Variants in CAMK2D observed in about 807,000 individuals in gnomAD.
The protein encoded by CAMK2D is calcium/calmodulin-dependent protein kinase type II subunit delta.
Under a neutral mutation model 84.0 loss-of-function variants are expected in CAMK2D, and 37 were observed. The ratio of observed to expected loss-of-function variants is 0.44; its 90% CI spans 0.34 to 0.58. CAMK2D has a LOEUF of 0.58. CAMK2D is among the 20% of genes least tolerant of loss of function. The pLI is 0.02. For synonymous variants in CAMK2D, 202 were observed against 212.5 expected (o/e 0.95, Z 0.43); for missense variants, 448 against 652.5 (o/e 0.69, Z 3.41).
At chr4:113,473,450 G>T (rs546692826) in intron 16 of CAMK2D, among the ~76,000 whole-genome samples, 74 of 152,060 alleles carry the variant, frequency 4.9e-4, no homozygotes, top group South Asian at 3.7e-3. Context: ...CATAATTTTG[G>T]CTTTTAAAAT....
chr4:113,482,618 CTT>C (rs1418096693), intron 16 of CAMK2D, among the ~76,000 whole-genome samples: 1 of 152,094 alleles, frequency 6.6e-6, no homozygotes, highest in Non-Finnish European at 1.5e-5. Context: ...AAAAATATAA[CTT>C]AATCTATAAC....
intron 6 of CAMK2D, among the ~76,000 whole-genome samples, chr4:113,537,716 C>A (rs2098503051): frequency 6.6e-6 from 1 of 152,150 alleles, no homozygotes; most frequent in African/African-American, 2.4e-5. Flanking sequence ...AATGAGAGCA[C>A]CTGTCTTGAC....
intron 4 of CAMK2D, among the ~76,000 whole-genome samples, chr4:113,565,520 G>GCATGCCGGT: frequency 6.6e-6 from 1 of 151,924 alleles, no homozygotes; most frequent in East Asian, 1.9e-4. Context: ...GCGTGGTGGT[G>GCATGCCGGT]CATGCCGGTA....
chr4:113,722,629 G>A (rs1184199882), intron 2 of CAMK2D, among the ~76,000 whole-genome samples: 1 of 152,156 alleles, frequency 6.6e-6, no homozygotes, highest in African/African-American at 2.4e-5. Context: ...ACTCAAGGGA[G>A]TGAAATATGG....
At position 113,555,520 on chromosome 4, in the gene CAMK2D, C is replaced by A. The variant is rs554368064; in HGVS notation, c.276-3424G>T. On this transcript the variant is annotated intron_variant, in intron 4 of 20. Transcript: ENST00000511664. ...AATCCAAGCGTTTGAGCAGTGGTAA[C>A]AGAGGTTCATTAAGCAGTTAAGCGA... Among the ~76,000 whole-genome samples, 4 of 152,224 alleles carry A rather than the reference C, an allele frequency of 2.6e-5. No homozygotes were observed. In the South Asian group the frequency reaches 8.3e-4, roughly 32 times the overall value.
At chr4:113,746,503 C>T (rs544082055) in intron 2 of CAMK2D, among the ~76,000 whole-genome samples, 1 of 152,078 alleles carries the variant, frequency 6.6e-6, no homozygotes, top group South Asian at 2.1e-4. Context: ...TTGCAGGTAA[C>T]CCAATAATTG....
At chr4:113,723,807 A>C (rs1482647993) in intron 2 of CAMK2D, among the ~76,000 whole-genome samples, 1 of 152,194 alleles carries the variant, frequency 6.6e-6, no homozygotes, top group Non-Finnish European at 1.5e-5. Flanking sequence ...CATACAAAGA[A>C]TGGGGTAGAA....
At chr4:113,663,682 T>C (rs901213210) in intron 2 of CAMK2D, among the ~76,000 whole-genome samples, 1 of 150,710 alleles carries the variant, frequency 6.6e-6, no homozygotes, top group East Asian at 1.9e-4. Flanking sequence ...GACAGGGATA[T>C]GAAAATATAT....
chr4:113,510,510 A>G (rs2098196968), intron 12 of CAMK2D, among the ~76,000 whole-genome samples: 1 of 152,172 alleles, frequency 6.6e-6, no homozygotes, highest in African/African-American at 2.4e-5. Context: ...CTTCTTGAGT[A>G]TATGAAAAGG....
intron 2 of CAMK2D, among the ~76,000 whole-genome samples, chr4:113,696,372 T>C (rs1266041081): frequency 6.6e-6 from 1 of 152,084 alleles, no homozygotes; most frequent in Non-Finnish European, 1.5e-5. Flanking sequence ...TGATCCCTGG[T>C]ATATCACCAG....
intron 3 of CAMK2D, among the ~76,000 whole-genome samples, chr4:113,646,374 A>C (rs145110225): frequency 6.6e-6 from 1 of 152,246 alleles, no homozygotes; most frequent in Admixed American, 6.5e-5. Context: ...TTTACATACT[A>C]CTGGGTAGAA....
At chr4:113,591,938 C>G (rs79960618) in intron 4 of CAMK2D, among the ~76,000 whole-genome samples, 6,080 of 152,234 alleles carry the variant, frequency 0.04, 359 homozygotes, top group East Asian at 0.19. Flanking sequence ...TTTATGGTTT[C>G]TTGTCTCTAC....
chr4:113,606,348 TA>T (rs1297194730), intron 4 of CAMK2D, among the ~76,000 whole-genome samples: 37 of 152,046 alleles, frequency 2.4e-4, no homozygotes, highest in African/African-American at 8.7e-4. Flanking sequence ...CGCGCGCCTG[TA>T]ATCCCAGCTA....
At chr4:113,710,961 C>A (rs78049015) in intron 2 of CAMK2D, among the ~76,000 whole-genome samples, 1,615 of 152,158 alleles carry the variant, frequency 0.011, 29 homozygotes, top group African/African-American at 0.035. Flanking sequence ...ATAATAAATA[C>A]TTTCTAGCTC....
chr4:113,531,679 C>G (rs1206114474), intron 7 of CAMK2D, among the ~76,000 whole-genome samples: 2 of 151,964 alleles, frequency 1.3e-5, no homozygotes, highest in African/African-American at 4.8e-5. Flanking sequence ...AGATATAAGT[C>G]GAAAATATAT....
At chr4:113,576,068 T>C (rs1490142253) in intron 4 of CAMK2D, among the ~76,000 whole-genome samples, 2 of 152,116 alleles carry the variant, frequency 1.3e-5, no homozygotes, top group South Asian at 2.1e-4. Flanking sequence ...GTTCTCCCTC[T>C]TGTCACCCAG....
intron 4 of CAMK2D, among the ~76,000 whole-genome samples, chr4:113,553,146 TC>T (rs1445589787): frequency 1.3e-5 from 2 of 152,108 alleles, no homozygotes; most frequent in African/African-American, 4.8e-5. Flanking sequence ...AACTTATAAA[TC>T]CTCACAATTG....
chr4:113,697,908 C>T (rs1055456278), intron 2 of CAMK2D, among the ~76,000 whole-genome samples: 3 of 152,136 alleles, frequency 2.0e-5, no homozygotes, highest in Admixed American at 1.3e-4. Context: ...ACAATGTTTA[C>T]TCTTCTGGAT....
In CAMK2D at chr4:113,455,817, G is replaced by C; in HGVS notation, c.1540C>G (p.Pro514Ala). 6.2e-7 allele frequency: 1 copy of C among 1,606,218 alleles called. No homozygotes were observed. Among genetic ancestry groups the C allele is most frequent in the Non-Finnish European group, 8.5e-7 (1 of 1,173,198 alleles). The change falls in exon 20 of 21, where the codon CCC becomes GCC. Residue 514 changes from proline (P) to alanine (A), a missense_variant. Transcript: ENST00000511664. The part of the protein sequence containing the change: ...SGSPTVPIKP[P>A]CIPNGKENFS... Reference sequence around the variant, plus strand: ...TTTTCTTTCCCATTTGGAATACAGGGTGGCCTATTAAGAGAAGCCCCATTT... The same window carrying C: ...TTTTCTTTCCCATTTGGAATACAGGCTGGCCTATTAAGAGAAGCCCCATTT...
Sources: allele counts gnomAD v4.1 joint callset (sites outside exome capture counted in the v4.1 genomes callset), GRCh38; gene constraint gnomAD v4.1.1; transcripts MANE v1.5; gene names NCBI Gene and HGNC (gene_info 2026-07-23, HGNC 2026-07-21).